Variants in MYO3B observed in about 807,000 individuals in gnomAD.
MYO3B encodes myosin IIIB.
MYO3B carries 156 observed loss-of-function variants against 174.6 expected under a neutral mutation model. That is an observed-to-expected ratio of 0.89 (90% CI 0.78 to 1.02). The LOEUF (loss-of-function observed/expected upper bound fraction) is 1.02. Among genes scored for constraint, MYO3B ranks in the 50% least tolerant of loss-of-function variants. The pLI is 0.00. For synonymous variants in MYO3B, 563 were observed against 569.1 expected (o/e 0.99, Z 0.15); for missense variants, 1,632 against 1,639.4 (o/e 1.00, Z 0.08).
chr2:170,307,871 T>C (rs555187131), intron 7 of MYO3B, among the ~76,000 whole-genome samples: 1 of 152,308 alleles, frequency 6.6e-6, no homozygotes, highest in Admixed American at 6.5e-5. Context: ...TCTGGGTTGT[T>C]GTCAGGGAAT....
At chr2:170,604,302 C>T (rs1694687009) in intron 32 of MYO3B, among the ~76,000 whole-genome samples, 1 of 152,042 alleles carries the variant, frequency 6.6e-6, no homozygotes, top group African/African-American at 2.4e-5. Context: ...GAGATGTAGC[C>T]TTAGAATTGT....
intron 28 of MYO3B, among the ~76,000 whole-genome samples, chr2:170,506,590 G>C (rs1052715924): frequency 2.0e-5 from 3 of 152,134 alleles, no homozygotes; most frequent in African/African-American, 7.2e-5. Flanking sequence ...CCAATACAGA[G>C]CACTCTAAAA....
chr2:170,369,329 C>T lies in MYO3B; in HGVS notation c.923C>T (p.Ala308Val), dbSNP rs1316107226. ...GKVLFLQKQL[A>V]KVLQDQKHQN... ...GTTCTGTTTCTGCAAAAACAGCTGG[C>T]CAAGGTTCTCCAAGACCAGAAGCAT... Residue 308 changes from alanine to valine, a missense_variant, in exon 9 of 35, where the codon GCC becomes GTC. Coordinates refer to ENST00000408978, the MANE Select transcript of MYO3B (RefSeq NM_138995.5). 4 of 1,613,488 alleles carry T rather than the reference C, an allele frequency of 2.5e-6. No homozygotes were observed. Among genetic ancestry groups the T allele is most frequent in the Admixed American group, 1.7e-5 (1 of 59,994 alleles).
At position 170,244,146 on chromosome 2, in the gene MYO3B, C is replaced by T. The variant is rs889361609; in HGVS notation, c.749+8010C>T. 5.9e-5 allele frequency among the ~76,000 whole-genome samples: 9 copies of T among 152,172 alleles called. No homozygotes were observed. The East Asian group carries it at 1.2e-3, about 20-fold the overall frequency. ...TCAGTTTTTGTGGTGGTTTTGTGCT[C>T]GGTTGATGAGTCGTATGACTGGTCT... On this transcript the variant is annotated intron_variant, in intron 7 of 34. Coordinates refer to ENST00000408978, the MANE Select transcript of MYO3B (RefSeq NM_138995.5).
At chr2:170,646,322 T>C (rs1224547207) in intron 32 of MYO3B, among the ~76,000 whole-genome samples, 1 of 152,146 alleles carries the variant, frequency 6.6e-6, no homozygotes, top group Non-Finnish European at 1.5e-5. Flanking sequence ...AAATTGGGTT[T>C]TTTTTCTTTT....
At chr2:170,549,865 G>C (rs1690764312) in intron 32 of MYO3B, among the ~76,000 whole-genome samples, 2 of 152,194 alleles carry the variant, frequency 1.3e-5, no homozygotes, top group Non-Finnish European at 2.9e-5. Context: ...TGTTTGGAAG[G>C]GAGCGCAAGC....
At chr2:170,486,116 T>C (rs751646086) in intron 25 of MYO3B, among the ~76,000 whole-genome samples, 4 of 152,092 alleles carry the variant, frequency 2.6e-5, no homozygotes, top group Non-Finnish European at 4.4e-5. Flanking sequence ...TAGGTGTATG[T>C]TGGGGAGACT....
chr2:170,566,409 T>C (rs1264859723), intron 32 of MYO3B, among the ~76,000 whole-genome samples: 1 of 152,220 alleles, frequency 6.6e-6, no homozygotes, highest in Admixed American at 6.5e-5. Flanking sequence ...GTTTTTACCA[T>C]GTGAACCATG....
chr2:170,579,713 T>C (rs1693007518), intron 32 of MYO3B, among the ~76,000 whole-genome samples: 1 of 152,212 alleles, frequency 6.6e-6, no homozygotes, highest in South Asian at 2.1e-4. Flanking sequence ...CACCACAGCC[T>C]GGGAGGCAGT....
chr2:170,214,695 T>C, intron 4 of MYO3B, 34 bp from the exon 5 acceptor site: 2 of 1,576,864 alleles, frequency 1.3e-6, no homozygotes, highest in Non-Finnish European at 1.7e-6. Context: ...CCTTTCTCTT[T>C]CCTGTTGTTT....
chr2:170,187,835 C>A (rs544968105), intron 1 of MYO3B, among the ~76,000 whole-genome samples: 2 of 152,216 alleles, frequency 1.3e-5, no homozygotes, highest in Admixed American at 1.3e-4. Flanking sequence ...GGAGAAGATA[C>A]TTGATATAAT....
intron 32 of MYO3B, among the ~76,000 whole-genome samples, chr2:170,642,876 G>C (rs749048669): frequency 7.2e-5 from 11 of 152,158 alleles, no homozygotes; most frequent in Non-Finnish European, 1.3e-4. Flanking sequence ...GCATATTAGG[G>C]ACAAGGGGAT....
intron 32 of MYO3B, among the ~76,000 whole-genome samples, chr2:170,651,039 A>G (rs1282052765): frequency 2.0e-5 from 3 of 152,078 alleles, no homozygotes; most frequent in Non-Finnish European, 2.9e-5. Flanking sequence ...ACAAACAGGG[A>G]GAGACTGCTT....
intron 7 of MYO3B, among the ~76,000 whole-genome samples, chr2:170,239,959 C>T (rs1195688660): frequency 2.0e-5 from 3 of 152,212 alleles, no homozygotes; most frequent in East Asian, 1.9e-4. Context: ...TTGCCTCTGC[C>T]AGCTTCTGGT....
At chr2:170,228,141 C>T (rs544649169) in intron 6 of MYO3B, among the ~76,000 whole-genome samples, 1 of 152,128 alleles carries the variant, frequency 6.6e-6, no homozygotes, top group Non-Finnish European at 1.5e-5. Context: ...ACTGTGACTG[C>T]GGCTCTCTGA....
At chr2:170,230,616 A>G (rs1348277219) in intron 6 of MYO3B, among the ~76,000 whole-genome samples, 1 of 151,666 alleles carries the variant, frequency 6.6e-6, no homozygotes, top group African/African-American at 2.4e-5. Context: ...ATATTTATTT[A>G]TATTTTCAAG....
At chr2:170,427,450 A>G (rs929877723) in intron 22 of MYO3B, among the ~76,000 whole-genome samples, 1 of 152,246 alleles carries the variant, frequency 6.6e-6, no homozygotes, top group Non-Finnish European at 1.5e-5. Context: ...CTTTAACACC[A>G]TGAAACATAT....
rs765855801 is a variant in MYO3B, at chr2:170,382,016, G to T, written c.972G>T (p.Arg324Ser). Reference protein sequence around the residue: ...QKHQNPVAKTRHERMHTRRPY... With the variant: ...QKHQNPVAKTSHERMHTRRPY... ...TTAAACTCTCTTGATAAATTTCTAG[G>T]CATGAGAGGATGCATACCAGAAGAC... The change falls in exon 10 of 35, where the codon AGG becomes AGT. Residue 324 changes from arginine (R) to serine (S), a missense_variant and splice_region_variant. Coordinates refer to ENST00000408978, the MANE Select transcript of MYO3B (RefSeq NM_138995.5). The T allele has an allele frequency of 1.9e-6, 3 of 1,611,032 alleles. No homozygotes were observed. The highest frequency in any genetic ancestry group is 2.5e-6 in the Non-Finnish European group (3 of 1,177,732).
At chr2:170,631,859 A>G (rs1697016229) in intron 32 of MYO3B, among the ~76,000 whole-genome samples, 1 of 152,258 alleles carries the variant, frequency 6.6e-6, no homozygotes, top group Non-Finnish European at 1.5e-5. Context: ...CTACTCTCTG[A>G]TAAAACAGAG....
Sources: gnomAD v4.1 joint callset for allele counts (sites outside exome capture counted in the v4.1 genomes callset) on GRCh38, gnomAD v4.1.1 for gene constraint, MANE v1.5 for transcripts, NCBI Gene and HGNC (gene_info 2026-07-23, HGNC 2026-07-21) for gene names.